DFFB: variants seen among roughly 807,000 people sequenced by gnomAD.
DFFB encodes the protein DNA fragmentation factor subunit beta.
In DFFB, 29 loss-of-function variants were observed where a neutral mutation model predicts 32.7. The observed-to-expected ratio is 0.89, with a 90% CI of 0.66 to 1.21. The LOEUF is 1.21. Ranked by LOEUF, DFFB falls within the 50% of genes most tolerant of loss-of-function variation. The pLI is 0.00. For missense variants in DFFB, 398 were observed against 440.6 expected (o/e 0.90, Z 0.87); for synonymous variants, 170 against 177.1 (o/e 0.96, Z 0.32).
At chr1:3,882,292 T>C (rs1445615689) in intron 6 of DFFB, among the ~76,000 whole-genome samples, 1 of 152,070 alleles carries the variant, frequency 6.6e-6, no homozygotes, top group East Asian at 1.9e-4. Flanking sequence ...TGGCCTCAAG[T>C]GATCACCCAC....
At chr1:3,866,421 A>G (rs913329782) in intron 3 of DFFB, 53 of 237,352 alleles carry the variant, frequency 2.2e-4, no homozygotes, top group Non-Finnish European at 2.1e-4. Flanking sequence ...ACGCCCTGCC[A>G]ATTTTTGTAT....
chr1:3,874,177 T>C (rs940666341), intron 6 of DFFB, among the ~76,000 whole-genome samples: 2 of 142,498 alleles, frequency 1.4e-5, no homozygotes, highest in Non-Finnish European at 3.0e-5. Flanking sequence ...GTACGTGGCC[T>C]CCCACGCTGT....
At chr1:3,867,834 C>A in intron 3 of DFFB, 140 bp from the exon 4 acceptor site, 1 of 750,886 alleles carries the variant, frequency 1.3e-6, no homozygotes, top group Non-Finnish European at 2.3e-6. Context: ...GCCTGGAGGA[C>A]AGAGCAAGAC....
In DFFB at chr1:3,883,597, C is replaced by A. The variant is rs1356481245; in HGVS notation, c.873C>A (p.Gly291=). 6.2e-7 allele frequency: 1 copy of A among 1,614,052 alleles called. No homozygotes were observed. Among genetic ancestry groups the A allele is most frequent in the African/African-American group, 1.3e-5 (1 of 74,928 alleles). Residue 291 remains glycine, a synonymous_variant, in exon 7 of 7, where the codon GGC becomes GGA. Transcript: ENST00000378209. ...GREVDWEYFY[G]LLFTSENLKL... ...AAGTGGACTGGGAGTATTTTTATGGCCTGCTTTTTACCTCAGAGAACCTAA... is the reference window on the plus strand; with the variant it reads ...AAGTGGACTGGGAGTATTTTTATGGACTGCTTTTTACCTCAGAGAACCTAA...
chr1:3,857,819 C>A (rs1166415644), intron 1 of DFFB, 102 bp downstream of exon 1: 1 of 857,448 alleles, frequency 1.2e-6, no homozygotes, highest in Non-Finnish European at 1.7e-6. Context: ...AGGCGGCGCC[C>A]GGGGCGGGTA....
At chr1:3,876,448 C>G (rs1301573567) in intron 6 of DFFB, among the ~76,000 whole-genome samples, 1 of 152,218 alleles carries the variant, frequency 6.6e-6, no homozygotes, top group East Asian at 1.9e-4. Context: ...TGTATACTCA[C>G]ACACAGATAA....
rs1441086373 is a variant in DFFB at position 3,884,072 on chromosome 1, CG to C, written c.*335del. 2 of 292,680 alleles carry C rather than the reference CG, an allele frequency of 6.8e-6. No homozygotes were observed. Among genetic ancestry groups the C allele is most frequent in the African/African-American group, 4.4e-5 (2 of 45,602 alleles). The allele number at this position is 292,680 out of a possible 1,614,324, so 18.1% of individuals were successfully genotyped here. Reference sequence around the variant, plus strand: ...CTAATGTTTGTATTTTTAGTAGAGACGGGGTTTCACCATGTTGGTCAGGCTG... The same window carrying C: ...CTAATGTTTGTATTTTTAGTAGAGACGGGTTTCACCATGTTGGTCAGGCTG... On this transcript the variant is annotated 3_prime_UTR_variant, in exon 7 of 7. Transcript: ENST00000378209.
At chr1:3,871,969 C>T (rs953859388) in intron 5 of DFFB, among the ~76,000 whole-genome samples, 5 of 152,128 alleles carry the variant, frequency 3.3e-5, no homozygotes, top group Non-Finnish European at 5.9e-5. Flanking sequence ...AGCACCCAGG[C>T]GATGGTGCTA....
intron 2 of DFFB, among the ~76,000 whole-genome samples, chr1:3,864,589 A>T (rs1267961062): frequency 1.3e-5 from 2 of 151,812 alleles, no homozygotes; most frequent in African/African-American, 4.8e-5. Context: ...GTGCAGTGGC[A>T]ATCATGGCTC....
At chr1:3,881,117 G>A (rs1327075417) in intron 6 of DFFB, among the ~76,000 whole-genome samples, 1 of 152,212 alleles carries the variant, frequency 6.6e-6, no homozygotes, top group East Asian at 1.9e-4. Flanking sequence ...CTGCTTGTGT[G>A]GGGGACTTGT....
chr1:3,864,350 GC>G (rs1340641864), intron 2 of DFFB, among the ~76,000 whole-genome samples: 1 of 152,154 alleles, frequency 6.6e-6, no homozygotes, highest in African/African-American at 2.4e-5. Context: ...AAAAGAAACT[GC>G]CAAGTTGTGT....
chr1:3,864,027 C>T (rs1238357444), intron 2 of DFFB, among the ~76,000 whole-genome samples: 5 of 152,110 alleles, frequency 3.3e-5, no homozygotes, highest in African/African-American at 7.2e-5. Flanking sequence ...AGTACAGTGG[C>T]GCGATCTCGG....
chr1:3,857,782 C>T, intron 1 of DFFB, 65 bp downstream of exon 1: 2 of 1,184,432 alleles, frequency 1.7e-6, no homozygotes, highest in Non-Finnish European at 2.2e-6. Context: ...GGAGGTGCCG[C>T]TTTTCCTCTT....
At chr1:3,866,410 C>G in intron 3 of DFFB, 1 of 246,364 alleles carries the variant, frequency 4.1e-6, no homozygotes, top group Non-Finnish European at 8.2e-6. Context: ...CAAGTGCAAC[C>G]ACGCCCTGCC....
chr1:3,865,984 C>T lies in DFFB; in HGVS notation c.414C>T (p.Asp138=). 1 of 1,569,208 alleles carries T rather than the reference C, an allele frequency of 6.4e-7. No homozygotes were observed. Among genetic ancestry groups the T allele is most frequent in the Admixed American group, 1.8e-5 (1 of 56,930 alleles). ...QNIAAETRAE[D]PPWFEGLESR... ...TCGCGGCCGAGACCCGGGCTGAGGACCCGCCGTGGTTTGAAGGTGCGTGGG... is the reference window on the plus strand; with the variant it reads ...TCGCGGCCGAGACCCGGGCTGAGGATCCGCCGTGGTTTGAAGGTGCGTGGG... The change falls in exon 3 of 7, where the codon GAC becomes GAT. Residue 138 remains aspartate, a synonymous_variant. Coordinates refer to ENST00000378209, the MANE Select transcript of DFFB (RefSeq NM_004402.4). This position sits in a 1 kb window ranked among gnomAD's most constrained non-coding sequence, Gnocchi z 4.7.
In DFFB at chr1:3,883,966, GC is replaced by G; in HGVS notation, c.*228del. The G allele has an allele frequency of 1.9e-6, 1 of 540,044 alleles. No individual in the cohort carries two copies. Among genetic ancestry groups the G allele is most frequent in the Non-Finnish European group, 3.3e-6 (1 of 303,182 alleles). The allele number at this position is 540,044 out of a possible 1,614,324, so 33.5% of individuals were successfully genotyped here. Reference sequence around the variant, plus strand: ...TTGTAGATGGAGTTTCACTTTTGTTGCCCAGGCTGGAGTGTAGTGGCGCGAT... The same window carrying G: ...TTGTAGATGGAGTTTCACTTTTGTTGCCAGGCTGGAGTGTAGTGGCGCGAT... On this transcript the variant is annotated 3_prime_UTR_variant, in exon 7 of 7. Coordinates refer to ENST00000378209, the MANE Select transcript of DFFB (RefSeq NM_004402.4).
intron 2 of DFFB, among the ~76,000 whole-genome samples, chr1:3,860,049 C>T (rs1305699362): frequency 2.0e-5 from 3 of 152,044 alleles, no homozygotes; most frequent in African/African-American, 2.4e-5. Flanking sequence ...TCGCTGAGAC[C>T]GCTAGTCCTC....
At chr1:3,861,264 T>G (rs1037642164) in intron 2 of DFFB, among the ~76,000 whole-genome samples, 1 of 152,158 alleles carries the variant, frequency 6.6e-6, no homozygotes, top group African/African-American at 2.4e-5. Flanking sequence ...GTAAGTTGTG[T>G]GTATCCATAG....
chr1:3,882,043 TTGTG>T (rs1051606158), intron 6 of DFFB, among the ~76,000 whole-genome samples: 1 of 147,728 alleles, frequency 6.8e-6, no homozygotes, highest in Non-Finnish European at 1.5e-5. Flanking sequence ...CAACATCATG[TTGTG>T]TGTGTATGTG....
Sources: allele counts gnomAD v4.1 joint callset (sites outside exome capture counted in the v4.1 genomes callset), GRCh38; gene constraint gnomAD v4.1.1; non-coding constraint Gnocchi (gnomAD v3.1); transcripts MANE v1.5; gene names NCBI Gene and HGNC (gene_info 2026-07-23, HGNC 2026-07-21).